DYRK1A: variants seen among roughly 807,000 people sequenced by gnomAD.
DYRK1A encodes dual specificity tyrosine phosphorylation regulated kinase 1A.
In DYRK1A, 9 loss-of-function variants were observed where a neutral mutation model predicts 79.7. The observed-to-expected ratio is 0.11, with a 90% confidence interval of 0.07 to 0.20. The LOEUF (loss-of-function observed/expected upper bound fraction) is 0.20, where lower values mean the gene tolerates loss of function less well. Ranked by LOEUF, DYRK1A falls within the 10% of genes least tolerant of loss-of-function variation. The pLI is 1.00. For missense variants in DYRK1A, 622 were observed against 956.0 expected (o/e 0.65, Z 4.61); for synonymous variants, 349 against 329.7 (o/e 1.06, Z -0.63).
chr21:37,476,304 A>G (rs1369742039), intron 3 of DYRK1A, among the ~76,000 whole-genome samples: 1 of 152,224 alleles, frequency 6.6e-6, no homozygotes, highest in African/African-American at 2.4e-5. Flanking sequence ...AGGGGATTGC[A>G]TGGAAGACTT....
In DYRK1A at chr21:37,518,360, T is replaced by C. The variant is rs1363538040; in HGVS notation, c.*5829T>C. ...CAGGAAAGAAATGACTAATGAACTC[T>C]AGTGATCGCAAACTGCTCAATCGGT... On this transcript the variant is annotated 3_prime_UTR_variant, in exon 12 of 12. Transcript: ENST00000647188. 1 of 152,224 alleles carries C rather than the reference T, an allele frequency of 6.6e-6. No individual in the cohort carries two copies. Among genetic ancestry groups the C allele is most frequent in the Non-Finnish European group, 1.5e-5 (1 of 68,050 alleles). The allele number at this position is 152,224 out of a possible 1,614,324, so 9.4% of individuals were successfully genotyped here. A position where few individuals can be genotyped will look rare whatever the true frequency, so the allele number is the denominator to read the frequency against.
At chr21:37,451,602 C>T (rs571145643) in intron 2 of DYRK1A, among the ~76,000 whole-genome samples, 27 of 150,984 alleles carry the variant, frequency 1.8e-4, no homozygotes, top group African/African-American at 5.1e-4. Context: ...CACCGTCTAG[C>T]GTGGGCGTGC....
At chr21:37,428,600 G>C (rs1057373734) in intron 2 of DYRK1A, among the ~76,000 whole-genome samples, 3 of 152,060 alleles carry the variant, frequency 2.0e-5, no homozygotes, top group Non-Finnish European at 4.4e-5. Flanking sequence ...ATAATGATTT[G>C]AATTGTAGAT....
intron 2 of DYRK1A, among the ~76,000 whole-genome samples, chr21:37,440,415 G>C (rs544042298): frequency 7.9e-5 from 12 of 152,120 alleles, no homozygotes; most frequent in African/African-American, 2.4e-4. Flanking sequence ...GGGATTACAG[G>C]CGTGAGCCAC....
rs112468085 is a variant in DYRK1A, at chr21:37,492,962, A to T, written c.925-55A>T. 194 of 1,422,970 alleles carry T rather than the reference A, an allele frequency of 1.4e-4. No homozygotes were observed. In the African/African-American group the frequency reaches 2.2e-3, roughly 16 times the overall value. The allele number at this position is 1,422,970 out of a possible 1,614,324, so 88.1% of individuals were successfully genotyped here. On this transcript the variant is annotated intron_variant, in intron 7 of 11. Transcript: ENST00000647188. Reference sequence around the variant, plus strand: ...ATATCAGATCAATGTTTTTAATCCAATGCTGACTGCAGTTTTAAGCAATTG... The same window carrying T: ...ATATCAGATCAATGTTTTTAATCCATTGCTGACTGCAGTTTTAAGCAATTG...
At chr21:37,501,390 G>C (rs976928249) in intron 9 of DYRK1A, 1 of 151,918 alleles carries the variant, frequency 6.6e-6, no homozygotes, top group African/African-American at 2.4e-5. Context: ...GGATGGTCTT[G>C]ATCTCTTAAC....
rs749806633 is a variant in DYRK1A at position 37,480,805 on chromosome 21, A to C, written c.468A>C (p.Ile156=). Residue 156 remains isoleucine (I), a synonymous_variant, in exon 5 of 12, where the codon ATA becomes ATC. Coordinates refer to ENST00000647188, the MANE Select transcript of DYRK1A (RefSeq NM_001347721.2). The stretch of plus-strand genomic sequence containing the variant: ...ATCGTTACGAAATTGACTCCTTGAT[A>C]GGCAAAGGTTCCTTTGGACAGGTAA... ...WMDRYEIDSL[I]GKGSFGQVVK... The C allele has an allele frequency of 2.5e-6, 4 of 1,604,120 alleles. No individual in the cohort carries two copies. The highest frequency in any genetic ancestry group is 3.4e-6 in the Non-Finnish European group (4 of 1,176,552).
chr21:37,514,640 T>C lies in DYRK1A; in HGVS notation c.*2109T>C, dbSNP rs571338740. On this transcript the variant is annotated 3_prime_UTR_variant, in exon 12 of 12. Transcript: ENST00000647188. ...ACTCGTTTTTATAAACTACAAAAAC[T>C]TTTTGTTGTTTATCAGGAAATCCAT... 7 of 152,772 alleles carry C rather than the reference T, an allele frequency of 4.6e-5. No homozygotes were observed. In the South Asian group the frequency reaches 1.5e-3, roughly 32 times the overall value. The allele number at this position is 152,772 out of a possible 1,614,324, so 9.5% of individuals were successfully genotyped here.
intron 8 of DYRK1A, among the ~76,000 whole-genome samples, chr21:37,495,672 C>G (rs1352615984): frequency 1.3e-5 from 2 of 152,020 alleles, no homozygotes; most frequent in Non-Finnish European, 2.9e-5. Flanking sequence ...GCCTGTAGTC[C>G]CAGCTACTCA....
At position 37,512,146 on chromosome 21, in the gene DYRK1A, C is replaced by A; in HGVS notation, c.1880C>A (p.Pro627Gln). The A allele has an allele frequency of 6.2e-7, 1 of 1,614,174 alleles. No homozygotes were observed. The highest frequency in any genetic ancestry group is 8.5e-7 in the Non-Finnish European group (1 of 1,180,034). The change falls in exon 12 of 12, where the codon CCA becomes CAA. Residue 627 changes from proline to glutamine, a missense_variant. Physicochemically the swap from Pro to Gln is moderately conservative, Grantham distance 76. Transcript: ENST00000647188. ...ACCAGGCCAAGGGTCTACAATTCTC[C>A]AACGAATAGCTCCTCTACCCAAGAT... is the stretch of plus-strand genomic sequence containing the variant. ...NRTRPRVYNS[P>Q]TNSSSTQDSM... is the part of the protein sequence containing the mutation.
Position 37,523,029 on chromosome 21 carries a change from T to C in DYRK1A, c.*10498T>C, listed in dbSNP as rs1214145903. On this transcript the variant is annotated 3_prime_UTR_variant, in exon 12 of 12. Coordinates refer to ENST00000647188, the MANE Select transcript of DYRK1A (RefSeq NM_001347721.2). ...CCACATGTTAGTCTTCATAGATTAG[T>C]CTTCATCAATTCTTAGTATTATTTT... is the stretch of plus-strand genomic sequence containing the variant. 1 of 152,392 alleles carries C rather than the reference T, an allele frequency of 6.6e-6. No homozygotes were observed. Among genetic ancestry groups the C allele is most frequent in the Non-Finnish European group, 1.5e-5 (1 of 68,190 alleles). 9.4% of individuals were successfully genotyped at this position (152,392 alleles called of 1,614,324 possible).
At chr21:37,438,731 A>G (rs2050999246) in intron 2 of DYRK1A, among the ~76,000 whole-genome samples, 1 of 152,174 alleles carries the variant, frequency 6.6e-6, no homozygotes, top group African/African-American at 2.4e-5. Context: ...TGTGGCCTTA[A>G]TAATAATTAA....
chr21:37,519,755 T>TTGTTTTGTTTTGTTTTGTTTTG lies in DYRK1A; in HGVS notation c.*7225_*7226insGTTTTGTTTTGTTTTGTTTTGT, dbSNP rs2053919780. Reference sequence around the variant, plus strand: ...TGGGAAGTTTTTTTTTTTTTTTTTTTTTTTGAGGCGGAGTCTCGCTCTGTC... The same window carrying TTGTTTTGTTTTGTTTTGTTTTG: ...TGGGAAGTTTTTTTTTTTTTTTTTTTTGTTTTGTTTTGTTTTGTTTTGTTTTGAGGCGGAGTCTCGCTCTGTC... On this transcript the variant is annotated 3_prime_UTR_variant, in exon 12 of 12. Transcript: ENST00000647188. 1 of 144,136 alleles carries TTGTTTTGTTTTGTTTTGTTTTG rather than the reference T, an allele frequency of 6.9e-6. No homozygotes were observed. 8.9% of individuals were successfully genotyped at this position (144,136 alleles called of 1,614,324 possible). A position where few individuals can be genotyped will look rare whatever the true frequency, so the allele number is the denominator to read the frequency against.
At chr21:37,369,460 AT>A (rs2049385987) in intron 1 of DYRK1A, among the ~76,000 whole-genome samples, 1 of 152,206 alleles carries the variant, frequency 6.6e-6, no homozygotes, top group African/African-American at 2.4e-5. Flanking sequence ...ACTTTGGAGG[AT>A]TTTCCCTGGT....
intron 2 of DYRK1A, among the ~76,000 whole-genome samples, chr21:37,455,482 T>G (rs2051605618): frequency 6.6e-6 from 1 of 152,222 alleles, no homozygotes. Flanking sequence ...TTCTGACTTT[T>G]TAAGTCACCT....
At chr21:37,494,379 C>G (rs2053194662) in intron 8 of DYRK1A, among the ~76,000 whole-genome samples, 1 of 152,062 alleles carries the variant, frequency 6.6e-6, no homozygotes, top group South Asian at 2.1e-4. Flanking sequence ...CCACAGATTC[C>G]TACTTCCTCT....
intron 1 of DYRK1A, among the ~76,000 whole-genome samples, chr21:37,403,220 T>C (rs1261385687): frequency 1.3e-5 from 2 of 152,142 alleles, no homozygotes; most frequent in East Asian, 1.9e-4. Context: ...TTTTTTATAA[T>C]TTTTATTTTT....
At position 37,502,502 on chromosome 21, in the gene DYRK1A, T is replaced by TA. The variant is rs759598126; in HGVS notation, c.1213-2778dup. ...CTTCAAATAATAATATATTGCTTGT[T>TA]AAACAGTGTGATAACCATGTGATTC... On this transcript the variant is annotated intron_variant, in intron 9 of 11. Coordinates refer to ENST00000647188, the MANE Select transcript of DYRK1A (RefSeq NM_001347721.2). 9.2e-5 allele frequency: 14 copies of TA among 152,334 alleles called. 1 individual carries two copies. In the East Asian group the frequency reaches 1.3e-3, roughly 15 times the overall value. 9.4% of individuals were successfully genotyped at this position (152,334 alleles called of 1,614,324 possible). A position where few individuals can be genotyped will look rare whatever the true frequency, so the allele number is the denominator to read the frequency against.
Position 37,512,124 on chromosome 21 carries a change from A to G in DYRK1A, c.1858A>G (p.Arg620Gly). ...ACAACAAGCCTTGGGTAACCGGACC[A>G]GGCCAAGGGTCTACAATTCTCCAAC... ...HGQQALGNRT[R>G]PRVYNSPTNS... Residue 620 changes from arginine (R) to glycine (G), a missense_variant, in exon 12 of 12, where the codon AGG becomes GGG. Physicochemically the swap from Arg to Gly is moderately radical, Grantham distance 125. This residue lies in a region of DYRK1A where 292 missense variants were observed against 316.7 expected (regional missense o/e 0.92). Coordinates refer to ENST00000647188, the MANE Select transcript of DYRK1A (RefSeq NM_001347721.2). 1 of 1,614,200 alleles carries G rather than the reference A, an allele frequency of 6.2e-7. No individual in the cohort carries two copies. The highest frequency in any genetic ancestry group is 1.3e-5 in the African/African-American group (1 of 75,046).
Sources: gnomAD v4.1 joint callset for allele counts (sites outside exome capture counted in the v4.1 genomes callset) on GRCh38, gnomAD v4.1.1 for gene constraint, gnomAD v4.1.1 regional missense constraint, MANE v1.5 for transcripts, NCBI Gene and HGNC (gene_info 2026-07-23, HGNC 2026-07-21) for gene names.